The following DGKB variants were observed in gnomAD, a reference collection of about 807,000 sequenced individuals.
DGKB encodes diacylglycerol kinase beta, also known as 90 kDa diacylglycerol kinase.
In DGKB, 67 loss-of-function variants were observed where a neutral mutation model predicts 114.3. That is an observed-to-expected ratio of 0.59 (90% CI 0.48 to 0.72). DGKB has a LOEUF of 0.72. DGKB is among the 30% of genes least tolerant of loss of function. The probability of loss-of-function intolerance (pLI) is 0.00; values close to 1 mark genes in which losing one functional copy is unlikely to be tolerated. For synonymous variants in DGKB, 398 were observed against 323.1 expected (o/e 1.23, Z -2.49); for missense variants, 907 against 975.2 (o/e 0.93, Z 0.93).
intron 1 of DGKB, among the ~76,000 whole-genome samples, chr7:14,925,104 G>A (rs1026660059): frequency 1.3e-5 from 2 of 152,120 alleles, no homozygotes; most frequent in African/African-American, 2.4e-5. Context: ...TATTAATAAT[G>A]TTTTCATTTT....
In DGKB at chr7:14,338,552, G is replaced by T. The variant is rs757853977; in HGVS notation, c.2085C>A (p.Thr695=). 2 of 1,593,660 alleles carry T rather than the reference G, an allele frequency of 1.3e-6. No homozygotes were observed. The highest frequency in any genetic ancestry group is 8.5e-7 in the Non-Finnish European group (1 of 1,170,970). Residue 695 remains threonine, a synonymous_variant, in exon 23 of 26, where the codon ACC becomes ACA. Transcript: ENST00000402815. The part of the protein sequence containing the change: ...IEKKGSDKRT[T]VTDAKELKFA... ...ACTTCAACTCTTTGGCATCTGTGAC[G>T]GTGGTCCTTTTGTCAGACCCTTTTT...
At chr7:14,272,705 T>TA (rs1326965149) in intron 23 of DGKB, among the ~76,000 whole-genome samples, 2 of 152,200 alleles carry the variant, frequency 1.3e-5, no homozygotes, top group African/African-American at 4.8e-5. Flanking sequence ...GAGACATACA[T>TA]AAAAAAGTGA....
intron 23 of DGKB, among the ~76,000 whole-genome samples, chr7:14,211,317 TA>T (rs66468165): frequency 0.056 from 3,805 of 67,570 alleles, 508 homozygotes; most frequent in African/African-American, 0.21. Context: ...TGTTTTGTGA[TA>T]TTTACTCTCA....
chr7:14,220,356 T>A (rs1012590205), intron 23 of DGKB, among the ~76,000 whole-genome samples: 1 of 151,500 alleles, frequency 6.6e-6, no homozygotes, highest in African/African-American at 2.4e-5. Context: ...TATCCAGTTG[T>A]CTCAGCATTT....
chr7:14,264,367 T>C (rs1034661251), intron 23 of DGKB, among the ~76,000 whole-genome samples: 2 of 152,062 alleles, frequency 1.3e-5, no homozygotes, highest in African/African-American at 2.4e-5. Context: ...TAAAGACAAA[T>C]GAAAACAACC....
At chr7:14,222,676 T>C (rs1158245172) in intron 23 of DGKB, among the ~76,000 whole-genome samples, 2 of 151,510 alleles carry the variant, frequency 1.3e-5, no homozygotes, top group Non-Finnish European at 3.0e-5. Context: ...CTGATACACA[T>C]ACAGTGGTTC....
intron 23 of DGKB, among the ~76,000 whole-genome samples, chr7:14,331,559 AAATAAG>A (rs1341721656): frequency 2.0e-5 from 3 of 152,234 alleles, no homozygotes; most frequent in South Asian, 2.1e-4. Context: ...ATCAACCTTC[AAATAAG>A]AATAACTTTT....
Position 14,694,052 on chromosome 7 carries a change from CCCT to C in DGKB, c.711+20_711+22del, listed in dbSNP as rs1823388007. On this transcript the variant is annotated intron_variant, in intron 9 of 25. Coordinates refer to ENST00000402815, the MANE Select transcript of DGKB (RefSeq NM_001350709.2). ...GCCCCACTGACTCACCACCAGGCCACCCTCCTCTGTGGAAATGCTTACATTTTC... is the reference window on the plus strand; with the variant it reads ...GCCCCACTGACTCACCACCAGGCCACCCTCTGTGGAAATGCTTACATTTTC... The C allele has an allele frequency of 6.4e-7, 1 of 1,563,042 alleles. No individual in the cohort carries two copies. Among genetic ancestry groups the C allele is most frequent in the Non-Finnish European group, 8.7e-7 (1 of 1,151,968 alleles).
chr7:14,790,503 T>A (rs1421697811), intron 2 of DGKB, among the ~76,000 whole-genome samples: 4 of 152,058 alleles, frequency 2.6e-5, no homozygotes, highest in Non-Finnish European at 5.9e-5. Context: ...TTTTTTTTGT[T>A]GTTGTTGGCT....
intron 5 of DGKB, among the ~76,000 whole-genome samples, chr7:14,734,020 C>CGTGTGTGTGT (rs71004332): frequency 5.2e-4 from 77 of 148,282 alleles, no homozygotes; most frequent in African/African-American, 1.6e-3. Context: ...TATACCAACA[C>CGTGTGTGTGT]GTGTGTGTGT....
intron 4 of DGKB, among the ~76,000 whole-genome samples, chr7:14,741,244 T>G (rs981906647): frequency 5.3e-5 from 8 of 152,196 alleles, no homozygotes; most frequent in Admixed American, 2.6e-4. Context: ...GGCAAAGAGA[T>G]AAAATATTTT....
At chr7:14,385,560 A>G (rs975649614) in intron 21 of DGKB, among the ~76,000 whole-genome samples, 3 of 152,232 alleles carry the variant, frequency 2.0e-5, no homozygotes, top group African/African-American at 7.2e-5. Flanking sequence ...ACTACCTTTT[A>G]CAGAGTTTAA....
At chr7:14,905,052 C>G (rs1783617399), upstream of DGKB, among the ~76,000 whole-genome samples, 1 of 151,886 alleles carries the variant, frequency 6.6e-6, no homozygotes, top group Non-Finnish European at 1.5e-5. Context: ...TTTTGTTTTA[C>G]CTTTACTCCC....
At chr7:14,548,486 G>A (rs933564379) in intron 20 of DGKB, among the ~76,000 whole-genome samples, 4 of 152,150 alleles carry the variant, frequency 2.6e-5, no homozygotes, top group African/African-American at 9.7e-5. Context: ...TGTAACTCCT[G>A]AATGAGGAAA....
chr7:14,731,226 A>C (rs1235629654), intron 5 of DGKB, among the ~76,000 whole-genome samples: 1 of 152,194 alleles, frequency 6.6e-6, no homozygotes, highest in African/African-American at 2.4e-5. Flanking sequence ...CTAATTAATG[A>C]ACTTTCAAAC....
chr7:14,697,812 G>C (rs1246474332), intron 8 of DGKB, among the ~76,000 whole-genome samples: 1 of 142,714 alleles, frequency 7.0e-6, no homozygotes, highest in Non-Finnish European at 1.5e-5. Flanking sequence ...GAAAGAGAAA[G>C]AAAGGAAAGG....
chr7:14,823,539 T>C (rs370576026), intron 2 of DGKB, among the ~76,000 whole-genome samples: 141 of 152,054 alleles, frequency 9.3e-4, no homozygotes, highest in African/African-American at 3.2e-3. Context: ...ATTGAAAGAG[T>C]TGACTATCCA....
intron 21 of DGKB, among the ~76,000 whole-genome samples, chr7:14,469,871 T>C (rs1306946364): frequency 6.6e-6 from 1 of 151,944 alleles, no homozygotes; most frequent in African/African-American, 2.4e-5. Context: ...TCTTAGCAAA[T>C]ATATATGTAT....
rs192130181 is a variant in DGKB, at chr7:14,340,523, A to C, written c.1927-1813T>G. Reference sequence around the variant, plus strand: ...TCAGATTACCACAGGGAATTCCCACAAAGAAGTCTTCATTCCTTATAATTT... The same window carrying C: ...TCAGATTACCACAGGGAATTCCCACCAAGAAGTCTTCATTCCTTATAATTT... On this transcript the variant is annotated intron_variant, in intron 22 of 25. Coordinates refer to ENST00000402815, the MANE Select transcript of DGKB (RefSeq NM_001350709.2). 6.6e-5 allele frequency among the ~76,000 whole-genome samples: 10 copies of C among 151,610 alleles called. 1 individual carries two copies. The highest frequency in any genetic ancestry group is 4.6e-4 in the Admixed American group (7 of 15,130).
Sources: gnomAD v4.1 joint callset for allele counts (sites outside exome capture counted in the v4.1 genomes callset) on GRCh38, gnomAD v4.1.1 for gene constraint, MANE v1.5 for transcripts, NCBI Gene and HGNC (gene_info 2026-07-23, HGNC 2026-07-21) for gene names.